BTBD3: variants seen among roughly 807,000 people sequenced by gnomAD.
The protein encoded by BTBD3 is BTB domain containing 3, also known as BTB/POZ domain-containing protein 3.
A neutral mutation model predicts 41.6 loss-of-function variants in BTBD3; 14 were observed. The observed-to-expected ratio is 0.34, with a 90% CI of 0.22 to 0.53. The LOEUF is 0.53. Ranked by LOEUF, BTBD3 falls within the 20% of genes least tolerant of loss-of-function variation. The probability of loss-of-function intolerance (pLI) is 0.95; values close to 1 mark genes in which losing one functional copy is unlikely to be tolerated. For missense variants in BTBD3, 426 were observed against 654.7 expected, an observed-to-expected ratio of 0.65 and a Z score of 3.81; for synonymous variants, 249 against 233.7, an observed-to-expected ratio of 1.07 and a Z score of -0.60.
At chr20:11,904,746 G>T (rs534122802) in intron 1 of BTBD3, among the ~76,000 whole-genome samples, 2 of 152,262 alleles carry the variant, frequency 1.3e-5, no homozygotes, top group South Asian at 2.1e-4. Context: ...AGCTGGAAAA[G>T]AATATTTTAA....
intron 1 of BTBD3, chr20:11,910,150 A>C (rs1473522324): frequency 6.6e-6 from 1 of 152,164 alleles, no homozygotes; most frequent in African/African-American, 2.4e-5. Flanking sequence ...CTCTTTGGTT[A>C]ATATGTGAGA....
chr20:11,920,552 A>G lies in BTBD3; in HGVS notation c.536+716A>G, dbSNP rs566853608. Reference sequence around the variant, plus strand: ...GTTTTCTGTCTGGTGGGTCTTCTGCAGGCACCAGTATGTGTTAAACAGGTT... The same window carrying G: ...GTTTTCTGTCTGGTGGGTCTTCTGCGGGCACCAGTATGTGTTAAACAGGTT... On this transcript the variant is annotated intron_variant, in intron 3 of 3. Transcript: ENST00000378226. Among the ~76,000 whole-genome samples, 15 of 152,334 alleles carry G rather than the reference A, an allele frequency of 9.8e-5. No individual in the cohort carries two copies. In the South Asian group the frequency reaches 1.2e-3, roughly 13 times the overall value.
At chr20:11,895,841 C>T (rs948802524) in intron 1 of BTBD3, among the ~76,000 whole-genome samples, 17 of 152,284 alleles carry the variant, frequency 1.1e-4, no homozygotes, top group African/African-American at 3.4e-4. Flanking sequence ...GAGTACTTCT[C>T]GGCTTTTCTC....
At position 11,924,868 on chromosome 20, in the gene BTBD3, A is replaced by G. The variant is rs2057005774; in HGVS notation, c.*1202A>G. 6.6e-6 allele frequency: 1 copy of G among 152,660 alleles called. No individual in the cohort carries two copies. Among genetic ancestry groups the G allele is most frequent in the Non-Finnish European group, 1.5e-5 (1 of 68,036 alleles). 9.5% of individuals were successfully genotyped at this position (152,660 alleles called of 1,614,324 possible). A position where few individuals can be genotyped will look rare whatever the true frequency, so the allele number is the denominator to read the frequency against. ...GCAGGGTTTATAAAAAATGGCCTGG[A>G]GTGACACATTTTATTATACCTAATA... On this transcript the variant is annotated 3_prime_UTR_variant, in exon 4 of 4. Transcript: ENST00000378226.
At chr20:11,890,926 GTC>G in exon 1 of BTBD3, 1 of 984,666 alleles carries the variant, frequency 1.0e-6, no homozygotes, top group Non-Finnish European at 1.2e-6. Flanking sequence ...GGACGGCTGC[GTC>G]GCCCGAGGCG....
At chr20:11,911,266 T>C (rs1459979091) in intron 1 of BTBD3, among the ~76,000 whole-genome samples, 1 of 152,160 alleles carries the variant, frequency 6.6e-6, no homozygotes, top group Admixed American at 6.5e-5. Flanking sequence ...GTCCATAAAA[T>C]ATGGCACTTA....
At chr20:11,903,427 A>C (rs2056835297) in intron 1 of BTBD3, among the ~76,000 whole-genome samples, 1 of 152,154 alleles carries the variant, frequency 6.6e-6, no homozygotes, top group Non-Finnish European at 1.5e-5. Flanking sequence ...GTTTATGTGA[A>C]GTTTGTAGGG....
intron 1 of BTBD3, among the ~76,000 whole-genome samples, chr20:11,906,813 C>G (rs2056857736): frequency 6.6e-6 from 1 of 152,156 alleles, no homozygotes; most frequent in African/African-American, 2.4e-5. Context: ...CCTATACACA[C>G]AAGCCTATTT....
In BTBD3 at chr20:11,922,818, A is replaced by T. The variant is rs1166801264; in HGVS notation, c.721A>T (p.Thr241Ser). Residue 241 changes from threonine to serine, a missense_variant, in exon 4 of 4, where the codon ACC (threonine) becomes TCC (serine). Coordinates refer to ENST00000378226, the MANE Select transcript of BTBD3 (RefSeq NM_014962.4). ...QSCLFEEPDL[T>S]QRCWEVIDAQ... ...CTGCCTGTTCGAGGAGCCAGACCTG[A>T]CCCAGCGTTGCTGGGAGGTGATTGA... is the stretch of plus-strand genomic sequence containing the variant. 1 of 1,614,184 alleles carries T rather than the reference A, an allele frequency of 6.2e-7. No individual in the cohort carries two copies. Among genetic ancestry groups the T allele is most frequent in the South Asian group, 1.1e-5 (1 of 91,092 alleles).
chr20:11,900,046 A>G (rs1323249946), intron 1 of BTBD3, among the ~76,000 whole-genome samples: 1 of 152,216 alleles, frequency 6.6e-6, no homozygotes, highest in Non-Finnish European at 1.5e-5. Context: ...TAATTTTTCT[A>G]TGATGCTATA....
intron 1 of BTBD3, among the ~76,000 whole-genome samples, chr20:11,906,116 A>G (rs1268265832): frequency 1.3e-5 from 2 of 152,004 alleles, no homozygotes; most frequent in African/African-American, 4.8e-5. Context: ...TTACATTTTC[A>G]ACACTCTTAA....
chr20:11,902,588 A>T (rs139649439), intron 1 of BTBD3, among the ~76,000 whole-genome samples: 1 of 152,236 alleles, frequency 6.6e-6, no homozygotes, highest in Admixed American at 6.5e-5. Context: ...TCATGCTGAG[A>T]TGATTAGCAT....
In BTBD3 at chr20:11,918,337, C is replaced by T. The variant is rs776639503; in HGVS notation, c.62C>T (p.Thr21Met). The change falls in exon 1 of 4, where the codon ACG (threonine) becomes ATG (methionine). Residue 21 changes from threonine to methionine, a missense_variant. By Grantham distance (81) the Thr-to-Met change is moderately conservative. Around this residue, in one of 3 missense-constraint regions of BTBD3, gnomAD observed 53 missense variants for 74.8 expected, o/e 0.71. Transcript: ENST00000378226. ...CLTFFLMLPE[T>M]VKNRSKKSSK... is the part of the protein sequence containing the mutation. ...ACCTTCTTCTTGATGCTTCCAGAGA[C>T]GGTAAAGAACAGGTCCAAGAAAAGC... is the stretch of plus-strand genomic sequence containing the variant. The T allele has an allele frequency of 1.7e-5, 27 of 1,611,724 alleles. No individual in the cohort carries two copies. Among genetic ancestry groups the T allele is most frequent in the African/African-American group, 4.0e-5 (3 of 74,590 alleles).
chr20:11,912,614 T>G (rs1310597698), intron 1 of BTBD3, among the ~76,000 whole-genome samples: 1 of 152,192 alleles, frequency 6.6e-6, no homozygotes, highest in Non-Finnish European at 1.5e-5. Context: ...GATTTTGTGT[T>G]TTAGATGATT....
intron 1 of BTBD3, among the ~76,000 whole-genome samples, chr20:11,908,005 G>C (rs1271467609): frequency 6.6e-6 from 1 of 152,146 alleles, no homozygotes; most frequent in Non-Finnish European, 1.5e-5. Context: ...TTAGGGAAGA[G>C]CATTATAGAG....
Position 11,925,503 on chromosome 20 carries a change from T to C in BTBD3, c.*1837T>C, listed in dbSNP as rs550689399. The C allele has an allele frequency of 1.2e-4, 19 of 152,764 alleles. No homozygotes were observed. The highest frequency in any genetic ancestry group is 5.9e-4 in the Admixed American group (9 of 15,300). The allele number at this position is 152,764 out of a possible 1,614,324, so 9.5% of individuals were successfully genotyped here. Reference sequence around the variant, plus strand: ...ATAGATGATGAAAAGCTGTTACTGGTGATTATAGATGAGTATTTCCAGGAC... The same window carrying C: ...ATAGATGATGAAAAGCTGTTACTGGCGATTATAGATGAGTATTTCCAGGAC... On this transcript the variant is annotated 3_prime_UTR_variant, in exon 4 of 4. Transcript: ENST00000378226.
rs1216321035 is a variant in BTBD3 at position 11,924,130 on chromosome 20, A to G, written c.*464A>G. On this transcript the variant is annotated 3_prime_UTR_variant, in exon 4 of 4. Coordinates refer to ENST00000378226, the MANE Select transcript of BTBD3 (RefSeq NM_014962.4). ...ATTTTGAAAGAAGTTTTGCCTTGTA[A>G]TGAGTAATAATTTAGAAAGTAGACA... 1 of 154,620 alleles carries G rather than the reference A, an allele frequency of 6.5e-6. No individual in the cohort carries two copies. The highest frequency in any genetic ancestry group is 1.4e-5 in the Non-Finnish European group (1 of 69,722). The allele number at this position is 154,620 out of a possible 1,614,324, so 9.6% of individuals were successfully genotyped here. A position where few individuals can be genotyped will look rare whatever the true frequency, so the allele number is the denominator to read the frequency against.
At position 11,923,292 on chromosome 20, in the gene BTBD3, T is replaced by G. The variant is rs1450625785; in HGVS notation, c.1195T>G (p.Phe399Val). 6.2e-7 allele frequency: 1 copy of G among 1,614,186 alleles called. No homozygotes were observed. Among genetic ancestry groups the G allele is most frequent in the Non-Finnish European group, 8.5e-7 (1 of 1,180,032 alleles). The part of the protein sequence containing the change: ...RYRGRCDSIQ[F>V]AVDKRVFIAG... ...TCGTGGTCGCTGTGACAGCATCCAG[T>G]TTGCAGTTGATAAAAGAGTGTTCAT... Residue 399 changes from phenylalanine to valine, a missense_variant, in exon 4 of 4, where the codon TTT becomes GTT. Transcript: ENST00000378226. This position sits in a 1 kb window ranked among gnomAD's most constrained non-coding sequence, Gnocchi z 5.3.
intron 1 of BTBD3, chr20:11,909,915 G>A (rs896194167): frequency 2.0e-5 from 3 of 152,084 alleles, no homozygotes; most frequent in African/African-American, 7.2e-5. Flanking sequence ...ATGGCGGGGA[G>A]GCAGTAAATT....
Sources: gnomAD v4.1 joint callset for allele counts (sites outside exome capture counted in the v4.1 genomes callset) on GRCh38, gnomAD v4.1.1 for gene constraint, gnomAD v4.1.1 regional missense constraint, Gnocchi (gnomAD v3.1) non-coding constraint, MANE v1.5 for transcripts, NCBI Gene and HGNC (gene_info 2026-07-23, HGNC 2026-07-21) for gene names.